The following NFIA variants were observed in gnomAD, a reference collection of about 807,000 sequenced individuals.
NFIA encodes the protein nuclear factor 1 A-type.
Under a neutral mutation model 62.8 loss-of-function variants are expected in NFIA, and 8 were observed. The ratio of observed to expected loss-of-function variants is 0.13; its 90% CI spans 0.07 to 0.23. The LOEUF is 0.23. Among genes scored for constraint, NFIA ranks in the 10% least tolerant of loss-of-function variants. The pLI is 1.00. For synonymous variants in NFIA, 235 were observed against 238.1 expected, an observed-to-expected ratio of 0.99 and a Z score of 0.12; for missense variants, 410 against 642.1, an observed-to-expected ratio of 0.64 and a Z score of 3.91.
intron 6 of NFIA, among the ~76,000 whole-genome samples, chr1:61,377,166 T>A (rs750369348): frequency 1.4e-4 from 21 of 151,606 alleles, no homozygotes; most frequent in Admixed American, 3.9e-4. Context: ...GAGGTTGCAG[T>A]GAGCCAAGAT....
chr1:61,155,649 C>T (rs568481434), intron 2 of NFIA, among the ~76,000 whole-genome samples: 14 of 116,358 alleles, frequency 1.2e-4, no homozygotes, highest in South Asian at 2.8e-4. Context: ...GTCCGCAGTC[C>T]GGCCTGGGCG....
chr1:61,214,150 A>G (rs1393755981), intron 2 of NFIA, among the ~76,000 whole-genome samples: 1 of 152,190 alleles, frequency 6.6e-6, no homozygotes, highest in Non-Finnish European at 1.5e-5. Context: ...CTGAGTGGAC[A>G]GCCGATTAAA....
chr1:61,098,790 C>T (rs1190609901), intron 2 of NFIA, among the ~76,000 whole-genome samples: 3 of 152,016 alleles, frequency 2.0e-5, no homozygotes, highest in East Asian at 1.9e-4. Context: ...AAAAATCTTA[C>T]GTTTAAAAAA....
At position 61,117,495 on chromosome 1, in the gene NFIA, A is replaced by T. The variant is rs546156755; in HGVS notation, c.559+28815A>T. Among the ~76,000 whole-genome samples, 9 of 91,832 alleles carry T rather than the reference A, an allele frequency of 9.8e-5. No homozygotes were observed. In the East Asian group the frequency reaches 1.6e-3, roughly 16 times the overall value. The allele number at this position is 91,832 out of a possible 152,430, so 60.2% of individuals were successfully genotyped here. ...AATCCTTTATTGTCAAGTCTGCAATAATGTTAAGAACAGGAAAAAAAAATG... is the reference window on the plus strand; with the variant it reads ...AATCCTTTATTGTCAAGTCTGCAATTATGTTAAGAACAGGAAAAAAAAATG... On this transcript the variant is annotated intron_variant, in intron 2 of 10. Coordinates refer to ENST00000403491, the MANE Select transcript of NFIA (RefSeq NM_001134673.4).
At chr1:61,303,625 C>T (rs893443447) in intron 3 of NFIA, among the ~76,000 whole-genome samples, 7 of 152,188 alleles carry the variant, frequency 4.6e-5, no homozygotes, top group Admixed American at 3.9e-4. Flanking sequence ...AGGTAAAAGC[C>T]TGGGGCAGTT....
rs1046340490 is a variant in NFIA, at chr1:61,332,735, C to T, written c.700+149C>T. 5 of 612,114 alleles carry T rather than the reference C, an allele frequency of 8.2e-6. No individual in the cohort carries two copies. The African/African-American group carries it at 9.5e-5, about 12-fold the overall frequency. 37.9% of individuals were successfully genotyped at this position (612,114 alleles called of 1,614,324 possible). A position where few individuals can be genotyped will look rare whatever the true frequency, so the allele number is the denominator to read the frequency against. On this transcript the variant is annotated intron_variant, in intron 4 of 10. Coordinates refer to ENST00000403491, the MANE Select transcript of NFIA (RefSeq NM_001134673.4). ...TTTTGACACACAGTTTGTTTGACAACCAAGAATTTAAATCAGGAAAAATTA... is the reference window on the plus strand; with the variant it reads ...TTTTGACACACAGTTTGTTTGACAATCAAGAATTTAAATCAGGAAAAATTA...
chr1:61,355,043 G>A (rs1662757933), intron 5 of NFIA, among the ~76,000 whole-genome samples: 1 of 152,172 alleles, frequency 6.6e-6, no homozygotes, highest in Admixed American at 6.5e-5. Context: ...TCTTAGGAAT[G>A]CTAAGTAAGA....
intron 2 of NFIA, among the ~76,000 whole-genome samples, chr1:61,167,155 T>G (rs533309896): frequency 1.3e-5 from 2 of 152,056 alleles, no homozygotes; most frequent in Admixed American, 6.5e-5. Context: ...AAAAAAGAAT[T>G]TACATATTTT....
chr1:61,448,732 C>T (rs1046224432), intron 10 of NFIA, among the ~76,000 whole-genome samples: 1 of 152,082 alleles, frequency 6.6e-6, no homozygotes, highest in East Asian at 1.9e-4. Flanking sequence ...GGAGCAAATG[C>T]GGTGGGCCGG....
chr1:61,231,682 A>T (rs368681661), intron 2 of NFIA, among the ~76,000 whole-genome samples: 4 of 152,144 alleles, frequency 2.6e-5, no homozygotes, highest in African/African-American at 9.7e-5. Context: ...ATAGCAGTCT[A>T]AGCTGAGTAT....
intron 2 of NFIA, among the ~76,000 whole-genome samples, chr1:61,180,853 T>C (rs1343684771): frequency 2.0e-5 from 3 of 152,228 alleles, no homozygotes; most frequent in Non-Finnish European, 4.4e-5. Flanking sequence ...CTGCTCATGA[T>C]AAGAAGTCAC....
At chr1:61,329,708 C>G (rs1661186861) in intron 3 of NFIA, among the ~76,000 whole-genome samples, 1 of 152,164 alleles carries the variant, frequency 6.6e-6, no homozygotes, top group Non-Finnish European at 1.5e-5. Context: ...TGTAAACTCC[C>G]TGAAGGTGGG....
At chr1:61,404,717 T>C (rs1261829168) in intron 8 of NFIA, among the ~76,000 whole-genome samples, 1 of 152,176 alleles carries the variant, frequency 6.6e-6, no homozygotes, top group Non-Finnish European at 1.5e-5. Flanking sequence ...TTTTGAAAAA[T>C]ACAGTCTTGT....
intron 2 of NFIA, among the ~76,000 whole-genome samples, chr1:61,190,621 G>A (rs1445927562): frequency 1.3e-5 from 2 of 152,136 alleles, no homozygotes; most frequent in Admixed American, 6.5e-5. Context: ...TACACATATT[G>A]TGATATACCT....
chr1:61,147,516 T>C (rs334709), intron 2 of NFIA, among the ~76,000 whole-genome samples: 141,174 of 152,296 alleles, frequency 0.93, 65,600 homozygotes, highest in Middle Eastern at 0.97. Context: ...TTAATAACTT[T>C]GAGTTACTGT....
intron 2 of NFIA, chr1:61,251,513 T>C (rs1458080499): frequency 6.6e-6 from 1 of 152,222 alleles, no homozygotes; most frequent in Admixed American, 6.5e-5. Flanking sequence ...GTAACACAAT[T>C]ATGTCATACA....
At chr1:61,248,185 G>T (rs1013071206) in intron 2 of NFIA, among the ~76,000 whole-genome samples, 3 of 152,170 alleles carry the variant, frequency 2.0e-5, no homozygotes, top group African/African-American at 7.2e-5. Flanking sequence ...TCCAGCTAGA[G>T]AACCAAACCT....
chr1:61,231,736 A>T (rs1195699091), intron 2 of NFIA, among the ~76,000 whole-genome samples: 1 of 152,166 alleles, frequency 6.6e-6, no homozygotes. Flanking sequence ...AGGCTAAGGC[A>T]GGAGGATTGC....
At chr1:61,300,052 C>T (rs1309569112) in intron 3 of NFIA, among the ~76,000 whole-genome samples, 2 of 151,994 alleles carry the variant, frequency 1.3e-5, no homozygotes, top group East Asian at 1.9e-4. Context: ...CATGAGCTGG[C>T]CAGGTCCTCT....
Sources: allele counts gnomAD v4.1 joint callset (sites outside exome capture counted in the v4.1 genomes callset), GRCh38; gene constraint gnomAD v4.1.1; transcripts MANE v1.5; gene names NCBI Gene and HGNC (gene_info 2026-07-23, HGNC 2026-07-21).